The following ASB2 variants were observed in gnomAD, a reference collection of about 807,000 sequenced individuals.
The protein encoded by ASB2 is ankyrin repeat and SOCS box protein 2.
In ASB2, 58 loss-of-function variants were observed where a neutral mutation model predicts 62.4. That is an observed-to-expected ratio of 0.93 (90% CI 0.75 to 1.16). ASB2 has a LOEUF of 1.16. Among genes scored for constraint, ASB2 ranks in the 50% most tolerant of loss-of-function variants. ASB2 has a pLI of 0.00. For missense variants in ASB2, 928 were observed against 887.9 expected (o/e 1.05, Z -0.57); for synonymous variants, 386 against 385.3 (o/e 1.00, Z -0.02).
At chr14:93,958,405 G>A (rs2141304534) in intron 2 of ASB2, among the ~76,000 whole-genome samples, 1 of 152,294 alleles carries the variant, frequency 6.6e-6, no homozygotes, top group South Asian at 2.1e-4. Context: ...CCCAGCTCCT[G>A]ATGCCACCCT....
chr14:93,966,950 A>G lies in ASB2; in HGVS notation c.-73-2338T>C, dbSNP rs187761652. On this transcript the variant is annotated intron_variant, in intron 1 of 9. Coordinates refer to ENST00000555019, the MANE Select transcript of ASB2 (RefSeq NM_001202429.2). ...ACACTAGAGGAGGGGAAGGGTCATG[A>G]CCTCACAATCATTTTATGCCCGATG... Among the ~76,000 whole-genome samples the G allele has an allele frequency of 1.6e-3, 244 of 152,014 alleles. 2 individuals carry two copies. The highest frequency in any genetic ancestry group is 5.5e-3 in the African/African-American group (226 of 41,444).
chr14:93,969,721 T>C (rs1889705198), intron 1 of ASB2, among the ~76,000 whole-genome samples: 1 of 152,100 alleles, frequency 6.6e-6, no homozygotes, highest in Non-Finnish European at 1.5e-5. Flanking sequence ...GAGGGGCCAG[T>C]CCAAGGCCAG....
At position 93,934,893 on chromosome 14, in the gene ASB2, G is replaced by A. The variant is rs987048810; in HGVS notation, c.1772-101C>T. 8.0e-6 allele frequency: 8 copies of A among 1,000,796 alleles called. No individual in the cohort carries two copies. The African/African-American group carries it at 9.5e-5, about 12-fold the overall frequency. 62.0% of individuals were successfully genotyped at this position (1,000,796 alleles called of 1,614,324 possible). ...CTATGGGAGGTGCCCAGCTGATGTG[G>A]CTGGGTAAGAGAGGGAGTGCCTGCT... On this transcript the variant is annotated intron_variant, in intron 9 of 9. Coordinates refer to ENST00000555019, the MANE Select transcript of ASB2 (RefSeq NM_001202429.2).
At chr14:93,962,168 G>A (rs1291273934) in intron 2 of ASB2, among the ~76,000 whole-genome samples, 1 of 103,830 alleles carries the variant, frequency 9.6e-6, no homozygotes, top group Non-Finnish European at 1.9e-5. Context: ...AGGCTGGAGT[G>A]CAGTGGCGGG....
intron 5 of ASB2, 83 bp from the exon 6 acceptor site, chr14:93,951,327 T>C (rs1888962936): frequency 1.4e-6 from 2 of 1,470,742 alleles, no homozygotes; most frequent in African/African-American, 2.8e-5. Context: ...GCCTGTCCAT[T>C]CACTCATCCA....
chr14:93,973,540 C>G (rs1567034703), intron 1 of ASB2, among the ~76,000 whole-genome samples: 1 of 152,152 alleles, frequency 6.6e-6, no homozygotes, highest in South Asian at 2.1e-4. Flanking sequence ...TGCGGCAGTG[C>G]CCACACCACC....
At chr14:93,941,133 T>A (rs1404818568) in intron 7 of ASB2, 1 of 153,904 alleles carries the variant, frequency 6.5e-6, no homozygotes, top group Non-Finnish European at 1.4e-5. Context: ...TAATCAGGGG[T>A]CATAAGACAA....
intron 1 of ASB2, chr14:93,968,186 C>T (rs973318426): frequency 3.3e-5 from 5 of 152,208 alleles, no homozygotes; most frequent in African/African-American, 4.8e-5. Context: ...TCACCAATCC[C>T]GAAGCTAATT....
At chr14:93,942,226 T>A in intron 7 of ASB2, 1 of 456,058 alleles carries the variant, frequency 2.2e-6, no homozygotes, top group Non-Finnish European at 4.4e-6. Flanking sequence ...CAGAGTATAA[T>A]TGCTCAAGCG....
intron 7 of ASB2, chr14:93,943,915 T>C (rs1209060908): frequency 2.2e-6 from 1 of 450,126 alleles, no homozygotes; most frequent in Non-Finnish European, 4.4e-6. Flanking sequence ...CTTGCAAAGA[T>C]TGATAAAATA....
intron 2 of ASB2, among the ~76,000 whole-genome samples, chr14:93,962,973 G>C (rs953077305): frequency 6.6e-6 from 1 of 152,194 alleles, no homozygotes. Context: ...ACGTCCTCGG[G>C]GGCAGCTTAG....
At position 93,956,312 on chromosome 14, in the gene ASB2, G is replaced by T. The variant is rs1433683791; in HGVS notation, c.311+454C>A. Among the ~76,000 whole-genome samples the T allele has an allele frequency of 2.6e-5, 4 of 152,186 alleles. No homozygotes were observed. The South Asian group carries it at 8.3e-4, about 31-fold the overall frequency. ...AAACAAAACAAAGGCTGTGGGTGTG[G>T]GCATTTTGGATGTACCCACAGCGAT... is the stretch of plus-strand genomic sequence containing the variant. On this transcript the variant is annotated intron_variant, in intron 3 of 9. Transcript: ENST00000555019.
At chr14:93,939,084 C>T in intron 8 of ASB2, 24 bp downstream of exon 8, 1 of 1,437,246 alleles carries the variant, frequency 7.0e-7, no homozygotes, top group Non-Finnish European at 9.1e-7. Context: ...GGCGTGCTCC[C>T]CACCGCCAGC....
At chr14:93,948,306 T>C (rs531692406) in intron 6 of ASB2, 1 of 154,480 alleles carries the variant, frequency 6.5e-6, no homozygotes, top group African/African-American at 2.4e-5. Flanking sequence ...GAGGCCATGG[T>C]GGATATTCTG....
intron 7 of ASB2, among the ~76,000 whole-genome samples, chr14:93,946,190 G>A (rs548283713): frequency 6.6e-6 from 1 of 152,326 alleles, no homozygotes; most frequent in South Asian, 2.1e-4. Flanking sequence ...CCCTGGGGAC[G>A]GGGCTTTCAA....
intron 7 of ASB2, among the ~76,000 whole-genome samples, chr14:93,946,427 T>C (rs1884207): frequency 0.22 from 32,786 of 152,152 alleles, 3,977 homozygotes; most frequent in East Asian, 0.6. Flanking sequence ...AAAAACTGGC[T>C]CAAGCAAGGG....
chr14:93,937,832 G>A lies in ASB2; in HGVS notation c.1637C>T (p.Ala546Val). Reference protein sequence around the residue: ...SVVQFCEFVSAPEVSRWAGPI... With the variant: ...SVVQFCEFVSVPEVSRWAGPI... ...CCCCGCCCAGCGGCTCACCTCTGGG[G>A]CAGATACGAACTCACAGAACTGAAA... Residue 546 changes from alanine to valine, a missense_variant, in exon 9 of 10, where the codon GCC (alanine) becomes GTC (valine). Coordinates refer to ENST00000555019, the MANE Select transcript of ASB2 (RefSeq NM_001202429.2). 6.2e-7 allele frequency: 1 copy of A among 1,601,914 alleles called. No homozygotes were observed. The highest frequency in any genetic ancestry group is 8.5e-7 in the Non-Finnish European group (1 of 1,169,960).
At chr14:93,970,690 G>A (rs1217095299) in intron 1 of ASB2, among the ~76,000 whole-genome samples, 2 of 152,162 alleles carry the variant, frequency 1.3e-5, no homozygotes, top group South Asian at 2.1e-4. Flanking sequence ...AAGCACAGCT[G>A]TTATGGAGAA....
In ASB2 at chr14:93,947,413, C is replaced by T. The variant is rs373650942; in HGVS notation, c.988G>A (p.Ala330Thr). ...VEFLLSQGAD[A>T]NKTNKDGLLP... ...AAGCCGTCCTTGTTGGTCTTGTTGG[C>T]GTCGGCACCCTGTGACAGCAGAAAC... Residue 330 changes from alanine to threonine, a missense_variant, in exon 7 of 10, where the codon GCC becomes ACC. Ala to Thr is a moderately conservative substitution (Grantham distance 58, BLOSUM62 0). Transcript: ENST00000555019. 4.3e-5 allele frequency: 70 copies of T among 1,614,090 alleles called. No homozygotes were observed. The highest frequency in any genetic ancestry group is 6.7e-5 in the African/African-American group (5 of 74,922).
Sources: allele counts gnomAD v4.1 joint callset (sites outside exome capture counted in the v4.1 genomes callset), GRCh38; gene constraint gnomAD v4.1.1; transcripts MANE v1.5; gene names NCBI Gene and HGNC (gene_info 2026-07-23, HGNC 2026-07-21).